MTSS1: variants seen among roughly 807,000 people sequenced by gnomAD.
MTSS1 encodes the protein protein MTSS 1.
MTSS1 carries 18 observed loss-of-function variants against 79.0 expected under a neutral mutation model. The ratio of observed to expected loss-of-function variants is 0.23; its 90% confidence interval spans 0.16 to 0.34. The LOEUF is 0.34. Ranked by LOEUF, MTSS1 falls within the 10% of genes least tolerant of loss-of-function variation. MTSS1 has a pLI of 1.00. For missense variants in MTSS1, 815 were observed against 986.2 expected (o/e 0.83, Z 2.33); for synonymous variants, 341 against 368.6 (o/e 0.93, Z 0.86).
chr8:124,646,731 C>T (rs1184414547), intron 3 of MTSS1, among the ~76,000 whole-genome samples: 1 of 152,034 alleles, frequency 6.6e-6, no homozygotes, highest in African/African-American at 2.4e-5. Flanking sequence ...TTTGTATCAC[C>T]TATTTTTCAC....
intron 3 of MTSS1, among the ~76,000 whole-genome samples, chr8:124,637,082 T>A (rs544616596): frequency 6.6e-6 from 1 of 151,992 alleles, no homozygotes; most frequent in Admixed American, 6.6e-5. Flanking sequence ...ACCCAGGGAG[T>A]TGGACGTGTA....
intron 1 of MTSS1, among the ~76,000 whole-genome samples, chr8:124,724,579 C>T (rs1185605749): frequency 6.6e-6 from 1 of 152,222 alleles, no homozygotes; most frequent in African/African-American, 2.4e-5. Flanking sequence ...TGATTTCAGA[C>T]ATCCAACTTT....
intron 3 of MTSS1, among the ~76,000 whole-genome samples, chr8:124,685,450 G>A (rs1284379469): frequency 6.6e-6 from 1 of 152,232 alleles, no homozygotes; most frequent in Non-Finnish European, 1.5e-5. Context: ...ACAGTGCTAC[G>A]ACAGCGAAGC....
chr8:124,581,260 C>T (rs1384010090), intron 6 of MTSS1, among the ~76,000 whole-genome samples: 1 of 145,926 alleles, frequency 6.9e-6, no homozygotes. Context: ...TTGAGGTCAG[C>T]CTAGGCCACC....
chr8:124,683,640 T>C lies in MTSS1; in HGVS notation c.208+15886A>G, dbSNP rs149405486. ...CAACACGAAGGAGCCCACTGCCATA[T>C]CTGAATCTGGCTGCAAATCTGTCAA... On this transcript the variant is annotated intron_variant, in intron 3 of 13. Coordinates refer to ENST00000518547, the MANE Select transcript of MTSS1 (RefSeq NM_014751.6). This position sits in a 1 kb window ranked among gnomAD's most constrained non-coding sequence, Gnocchi z 4.5. 2.6e-5 allele frequency among the ~76,000 whole-genome samples: 4 copies of C among 152,272 alleles called. No homozygotes were observed. The highest frequency in any genetic ancestry group is 9.6e-5 in the African/African-American group (4 of 41,536).
chr8:124,691,561 G>GC (rs1463023335), intron 3 of MTSS1, among the ~76,000 whole-genome samples: 1 of 152,122 alleles, frequency 6.6e-6, no homozygotes, highest in Non-Finnish European at 1.5e-5. Context: ...TGTTGCCCAG[G>GC]CTGGAGTACA....
chr8:124,721,393 CTTTAA>C (rs1374739242), intron 1 of MTSS1, among the ~76,000 whole-genome samples: 1 of 15,218 alleles, frequency 6.6e-5, no homozygotes, highest in Non-Finnish European at 1.8e-4. Flanking sequence ...AGTTTATTTA[CTTTAA>C]CATTTAACTC....
intron 1 of MTSS1, among the ~76,000 whole-genome samples, chr8:124,726,192 G>A (rs988977607): frequency 3.3e-4 from 50 of 152,300 alleles, no homozygotes; most frequent in African/African-American, 1.2e-3. Context: ...ATAGTGCCAC[G>A]CAGCCACAGG....
intron 1 of MTSS1, among the ~76,000 whole-genome samples, chr8:124,709,133 GA>G (rs1365440539): frequency 7.2e-5 from 11 of 152,148 alleles, no homozygotes; most frequent in Admixed American, 2.0e-4. Flanking sequence ...AGGCAGCAGA[GA>G]AAAAGTCCTG....
chr8:124,723,285 T>C (rs1395024830), intron 1 of MTSS1, among the ~76,000 whole-genome samples: 5 of 152,206 alleles, frequency 3.3e-5, no homozygotes, highest in Admixed American at 3.3e-4. Flanking sequence ...TGATGCTCAA[T>C]AAATACTACG....
In MTSS1 at chr8:124,589,731, A is replaced by T; in HGVS notation, c.294-20T>A. On this transcript the variant is annotated intron_variant, in intron 4 of 13. Transcript: ENST00000518547. ...AAAGCGCTTTTACCAAGCGGGGGGG[A>T]AAAAGGGAGAAATTAAATAGATACA... The T allele has an allele frequency of 6.8e-7, 1 of 1,467,594 alleles. No homozygotes were observed. The highest frequency in any genetic ancestry group is 9.5e-7 in the Non-Finnish European group (1 of 1,054,488). The allele number at this position is 1,467,594 out of a possible 1,614,324, so 90.9% of individuals were successfully genotyped here.
intron 3 of MTSS1, among the ~76,000 whole-genome samples, chr8:124,670,337 G>A (rs1432827758): frequency 1.3e-5 from 2 of 151,652 alleles, no homozygotes; most frequent in Non-Finnish European, 2.9e-5. Flanking sequence ...CAAACAAAAG[G>A]GACTAGTGGT....
At chr8:124,638,560 C>G (rs1388914571) in intron 3 of MTSS1, among the ~76,000 whole-genome samples, 1 of 152,196 alleles carries the variant, frequency 6.6e-6, no homozygotes, top group African/African-American at 2.4e-5. Flanking sequence ...TGTCAGGAAA[C>G]CGGAGGGTCT....
At chr8:124,653,561 T>C (rs1382560969) in intron 3 of MTSS1, among the ~76,000 whole-genome samples, 3 of 152,068 alleles carry the variant, frequency 2.0e-5, no homozygotes, top group Non-Finnish European at 4.4e-5. Context: ...CCATCTCTAC[T>C]AAAAATACAA....
chr8:124,647,773 A>G (rs1819260406), intron 3 of MTSS1, among the ~76,000 whole-genome samples: 1 of 152,220 alleles, frequency 6.6e-6, no homozygotes, highest in African/African-American at 2.4e-5. Context: ...GACTATATAG[A>G]CGTATCCTTG....
rs1157479986 is a variant in MTSS1, at chr8:124,557,753, G to T, written c.1158C>A (p.His386Gln). ...SRLLPRVTSV[H>Q]LPDYAHYYTI... ...TGTAATAATGAGCGTAGTCTGGAAG[G>T]TGGACAGAGGTGACCCGAGGGAGCA... is the stretch of plus-strand genomic sequence containing the variant. The change falls in exon 11 of 14, where the codon CAC becomes CAA. Residue 386 changes from histidine (H) to glutamine (Q), a missense_variant. His to Gln is a conservative substitution (Grantham distance 24, BLOSUM62 0). Around this residue, in one of 2 missense-constraint regions of MTSS1, gnomAD observed 590 missense variants for 620.8 expected, o/e 0.95. Coordinates refer to ENST00000518547, the MANE Select transcript of MTSS1 (RefSeq NM_014751.6). The T allele has an allele frequency of 1.2e-6, 2 of 1,604,334 alleles. No individual in the cohort carries two copies. Among genetic ancestry groups the T allele is most frequent in the Middle Eastern group, 1.7e-4 (1 of 6,048 alleles).
At chr8:124,591,370 C>A (rs1032347000) in intron 3 of MTSS1, 135 bp from the exon 4 acceptor site, 1 of 706,040 alleles carries the variant, frequency 1.4e-6, no homozygotes, top group East Asian at 2.7e-5. Context: ...AGCTTCTCAC[C>A]ATGCCCATGT....
At chr8:124,558,752 G>A (rs144103812) in intron 10 of MTSS1, 3 of 1,583,426 alleles carry the variant, frequency 1.9e-6, no homozygotes, top group Non-Finnish European at 2.6e-6. Context: ...TGGAGCCCGA[G>A]CTGACAGAGG....
chr8:124,570,413 G>T (rs974067149), intron 6 of MTSS1, among the ~76,000 whole-genome samples: 1 of 152,166 alleles, frequency 6.6e-6, no homozygotes, highest in Admixed American at 6.5e-5. Flanking sequence ...GCTACCCATG[G>T]TGTGGTAAAA....
Sources: gnomAD v4.1 joint callset for allele counts (sites outside exome capture counted in the v4.1 genomes callset) on GRCh38, gnomAD v4.1.1 for gene constraint, gnomAD v4.1.1 regional missense constraint, Gnocchi (gnomAD v3.1) non-coding constraint, MANE v1.5 for transcripts, NCBI Gene and HGNC (gene_info 2026-07-23, HGNC 2026-07-21) for gene names.